The following ZFAT variants were observed in gnomAD, a reference collection of about 807,000 sequenced individuals.
The protein encoded by ZFAT is zinc finger and AT-hook domain containing.
In ZFAT, 64 loss-of-function variants were observed where a neutral mutation model predicts 117.7. The observed-to-expected ratio is 0.54, with a 90% CI of 0.44 to 0.67. The LOEUF (loss-of-function observed/expected upper bound fraction) is 0.67, where lower values mean the gene tolerates loss of function less well. Among genes scored for constraint, ZFAT ranks in the 30% least tolerant of loss-of-function variants. The pLI is 0.00. For missense variants in ZFAT, 1,433 were observed against 1,584.5 expected (o/e 0.90, Z 1.62); for synonymous variants, 679 against 615.0 (o/e 1.10, Z -1.54).
chr8:134,532,686 A>T (rs1307099395), intron 12 of ZFAT, 148 bp downstream of exon 12: 12 of 1,112,988 alleles, frequency 1.1e-5, no homozygotes, highest in Non-Finnish European at 1.5e-5. Flanking sequence ...AAGGACGATG[A>T]TGACAACAAT....
the ZFAT span, among the ~76,000 whole-genome samples, chr8:134,728,560 A>G: frequency 1.3e-5 from 2 of 152,190 alleles, no homozygotes; most frequent in Admixed American, 1.3e-4. Flanking sequence ...GGAGGGTGTG[A>G]GCATGCTGGG....
At chr8:134,734,761 G>A in the ZFAT span, among the ~76,000 whole-genome samples, 1 of 152,344 alleles carries the variant, frequency 6.6e-6, no homozygotes, top group East Asian at 1.9e-4. Context: ...CAGGTGCTCG[G>A]GAGCAGGGAG....
chr8:134,701,250 TC>T (rs1834000443), intron 1 of ZFAT, among the ~76,000 whole-genome samples: 1 of 152,214 alleles, frequency 6.6e-6, no homozygotes, highest in Non-Finnish European at 1.5e-5. Context: ...TCTAGGAATC[TC>T]ATGTAAGGGT....
rs1052623671 is a variant in ZFAT at position 134,696,383 on chromosome 8, G to A, written c.19+16462C>T. The stretch of plus-strand genomic sequence containing the variant: ...GCCGAGACACCTCTGAAACCACCCA[G>A]GAATCAACAGGAAAGTTCAGAGTGG... On this transcript the variant is annotated intron_variant, in intron 1 of 15. Transcript: ENST00000377838. The A allele has an allele frequency of 5.1e-6, 5 of 985,474 alleles. No homozygotes were observed. In the African/African-American group the frequency reaches 5.2e-5, roughly 10 times the overall value. The allele number at this position is 985,474 out of a possible 1,614,324, so 61.0% of individuals were successfully genotyped here. A position where few individuals can be genotyped will look rare whatever the true frequency, so the allele number is the denominator to read the frequency against.
At chr8:134,537,562 G>A (rs1821934092) in intron 11 of ZFAT, among the ~76,000 whole-genome samples, 2 of 152,168 alleles carry the variant, frequency 1.3e-5, no homozygotes, top group Non-Finnish European at 2.9e-5. Flanking sequence ...CCAGTGTGCT[G>A]TGTGCTGGGT....
intron 3 of ZFAT, among the ~76,000 whole-genome samples, chr8:134,621,378 G>A (rs963035002): frequency 2.6e-5 from 4 of 152,104 alleles, no homozygotes; most frequent in African/African-American, 7.2e-5. Flanking sequence ...CTTATCTTCT[G>A]AGTGGCACAT....
At chr8:134,686,545 T>C (rs375225914) in intron 1 of ZFAT, among the ~76,000 whole-genome samples, 2 of 151,754 alleles carry the variant, frequency 1.3e-5, no homozygotes, top group African/African-American at 2.4e-5. Context: ...GGAAAAGATA[T>C]AGGGAAAAAA....
chr8:134,510,893 T>A (rs970120127), intron 14 of ZFAT: 1 of 152,158 alleles, frequency 6.6e-6, no homozygotes, highest in Non-Finnish European at 1.5e-5. Flanking sequence ...ACCTGGCAGC[T>A]CCCATGTCAG....
intron 15 of ZFAT, among the ~76,000 whole-genome samples, chr8:134,501,650 A>C (rs1306354427): frequency 1.3e-5 from 2 of 152,184 alleles, no homozygotes; most frequent in Non-Finnish European, 2.9e-5. Flanking sequence ...AGATGAAATG[A>C]AGTCAAAGGA....
In ZFAT at chr8:134,602,821, T is replaced by C; in HGVS notation, c.898A>G (p.Lys300Glu). The C allele has an allele frequency of 1.2e-6, 2 of 1,614,152 alleles. No homozygotes were observed. Among genetic ancestry groups the C allele is most frequent in the Middle Eastern group, 1.6e-4 (1 of 6,062 alleles). ...CTGGCATAGCTGCACTGGGGGCACTTGTATGGCTTTTCATTGGTGTGGATC... is the reference window on the plus strand; with the variant it reads ...CTGGCATAGCTGCACTGGGGGCACTCGTATGGCTTTTCATTGGTGTGGATC... ...LRIHTNEKPY[K>E]CPQCSYASAI... Residue 300 changes from lysine (K) to glutamate (E), a missense_variant, in exon 6 of 16, where the codon AAG becomes GAG. Transcript: ENST00000377838.
the ZFAT span, among the ~76,000 whole-genome samples, chr8:134,752,790 T>C: frequency 2.0e-5 from 3 of 152,048 alleles, no homozygotes; most frequent in Non-Finnish European, 4.4e-5. Context: ...TGAGCCAGCA[T>C]GCATGTCTTC....
intron 3 of ZFAT, among the ~76,000 whole-genome samples, chr8:134,615,289 T>A (rs1828637185): frequency 6.6e-6 from 1 of 152,148 alleles, no homozygotes. Context: ...GGAGTTCAAG[T>A]GATTCTCGTG....
At chr8:134,543,056 T>G (rs1390160576) in intron 11 of ZFAT, among the ~76,000 whole-genome samples, 1 of 150,852 alleles carries the variant, frequency 6.6e-6, no homozygotes, top group Non-Finnish European at 1.5e-5. Flanking sequence ...GATGGGATCA[T>G]GTACAAATCC....
At chr8:134,811,177 C>T in the ZFAT span, among the ~76,000 whole-genome samples, 4 of 152,136 alleles carry the variant, frequency 2.6e-5, no homozygotes, top group African/African-American at 7.2e-5. Context: ...ATTCCCTAAA[C>T]GTTTCAAAAG....
the ZFAT span, among the ~76,000 whole-genome samples, chr8:134,736,297 C>G: frequency 6.6e-6 from 1 of 152,308 alleles, no homozygotes; most frequent in South Asian, 2.1e-4. Flanking sequence ...CTGGCCCTTT[C>G]TTCGTGAGTT....
chr8:134,703,944 A>G (rs1463857774), intron 1 of ZFAT, among the ~76,000 whole-genome samples: 4 of 152,214 alleles, frequency 2.6e-5, no homozygotes, highest in African/African-American at 9.6e-5. Context: ...GTCCCCTGCC[A>G]TATGCCAGGT....
chr8:134,479,127 G>A (rs1817111153), intron 15 of ZFAT, among the ~76,000 whole-genome samples: 1 of 152,258 alleles, frequency 6.6e-6, no homozygotes, highest in African/African-American at 2.4e-5. Context: ...TTTATAGCTG[G>A]TCCATCTGGC....
chr8:134,651,099 A>G (rs1831209001), intron 2 of ZFAT, among the ~76,000 whole-genome samples: 1 of 152,194 alleles, frequency 6.6e-6, no homozygotes. Flanking sequence ...TAAATGGTGC[A>G]CCTCCCATTG....
At chr8:134,642,456 T>C (rs1052899766) in intron 2 of ZFAT, among the ~76,000 whole-genome samples, 14 of 152,218 alleles carry the variant, frequency 9.2e-5, no homozygotes, top group Non-Finnish European at 1.3e-4. Flanking sequence ...ACTCAGGAGA[T>C]GATTGATAAA....
Sources: gnomAD v4.1 joint callset for allele counts (sites outside exome capture counted in the v4.1 genomes callset) on GRCh38, gnomAD v4.1.1 for gene constraint, MANE v1.5 for transcripts, NCBI Gene and HGNC (gene_info 2026-07-23, HGNC 2026-07-21) for gene names.